The following RNF212B variants were observed in gnomAD, a reference collection of about 807,000 sequenced individuals.
The protein encoded by RNF212B is ring finger protein 212B, also known as E3 ubiquitin-protein ligase RNF212B.
Under a neutral mutation model 55.5 loss-of-function variants are expected in RNF212B, and 52 were observed. The observed-to-expected ratio is 0.94, with a 90% CI of 0.75 to 1.18. The LOEUF (loss-of-function observed/expected upper bound fraction) is 1.18. RNF212B is among the 50% of genes most tolerant of loss of function. RNF212B has a pLI of 0.00. For missense variants in RNF212B, 289 were observed against 350.4 expected (o/e 0.82, Z 1.40); for synonymous variants, 99 against 121.4 (o/e 0.82, Z 1.21).
chr14:23,226,812 CT>C (rs111452590), intron 2 of RNF212B, among the ~76,000 whole-genome samples: 20 of 128,744 alleles, frequency 1.6e-4, no homozygotes, highest in South Asian at 2.4e-4. Flanking sequence ...TCTTCTTCTT[CT>C]TTTTTTTTTT....
chr14:23,197,015 A>G (rs538184400), intron 2 of RNF212B, among the ~76,000 whole-genome samples: 2 of 152,216 alleles, frequency 1.3e-5, no homozygotes, highest in Admixed American at 6.5e-5. Context: ...TTTGCTCACT[A>G]ATGTCTTCAG....
At chr14:23,186,077 G>T (rs544073295) in intron 1 of RNF212B, among the ~76,000 whole-genome samples, 3 of 152,242 alleles carry the variant, frequency 2.0e-5, no homozygotes, top group South Asian at 2.1e-4. Context: ...TCCAGCCTGG[G>T]TGGCAAAGTG....
intron 2 of RNF212B, among the ~76,000 whole-genome samples, chr14:23,214,827 C>G (rs150902568): frequency 6.6e-6 from 1 of 151,976 alleles, no homozygotes; most frequent in Middle Eastern, 3.2e-3. Context: ...ATGGCTGAAA[C>G]CTTTCCAAAT....
At chr14:23,214,928 A>G (rs998073917) in intron 2 of RNF212B, among the ~76,000 whole-genome samples, 1 of 152,376 alleles carries the variant, frequency 6.6e-6, no homozygotes, top group East Asian at 1.9e-4. Context: ...ACATATCATA[A>G]TTAACACTAA....
At chr14:23,272,132 T>G (rs1383101692) in intron 14 of RNF212B, among the ~76,000 whole-genome samples, 1 of 152,084 alleles carries the variant, frequency 6.6e-6, no homozygotes, top group African/African-American at 2.4e-5. Flanking sequence ...TTTTTGAAAA[T>G]GTGGGCCAGG....
At position 23,208,795 on chromosome 14, in the gene RNF212B, G is replaced by A. The variant is rs1319375805; in HGVS notation, c.-2+15394G>A. Among the ~76,000 whole-genome samples, 6 of 101,894 alleles carry A rather than the reference G, an allele frequency of 5.9e-5. No individual in the cohort carries two copies. The South Asian group carries it at 2.0e-3, about 33-fold the overall frequency. The allele number at this position is 101,894 out of a possible 152,430, so 66.8% of individuals were successfully genotyped here. The stretch of plus-strand genomic sequence containing the variant: ...TTTTTTTGAGACGGAGTCTCACTCT[G>A]TCGCCCAGGCTGGAGTGCAATGGCG... On this transcript the variant is annotated intron_variant, in intron 2 of 15. Transcript: ENST00000399910.
chr14:23,269,081 G>C (rs1488366194), intron 12 of RNF212B, 118 bp downstream of exon 12: 1 of 758,982 alleles, frequency 1.3e-6, no homozygotes, highest in East Asian at 2.9e-5. Context: ...GAGGAGGGTG[G>C]ATCACTTGAG....
At chr14:23,265,373 T>A (rs992647146) in intron 11 of RNF212B, among the ~76,000 whole-genome samples, 6 of 152,298 alleles carry the variant, frequency 3.9e-5, no homozygotes, top group African/African-American at 1.4e-4. Context: ...ATAAAAATAT[T>A]CCAGTGAAGG....
intron 1 of RNF212B, among the ~76,000 whole-genome samples, chr14:23,190,149 T>G (rs1287024670): frequency 6.6e-6 from 1 of 152,060 alleles, no homozygotes; most frequent in Non-Finnish European, 1.5e-5. Flanking sequence ...CTGGATCCTT[T>G]CCTTCTCCAA....
At chr14:23,237,572 A>C (rs1325937629), upstream of RNF212B, among the ~76,000 whole-genome samples, 1 of 152,052 alleles carries the variant, frequency 6.6e-6, no homozygotes, top group Non-Finnish European at 1.5e-5. Context: ...CATTATTTTC[A>C]TTTCATTTTA....
upstream of RNF212B, among the ~76,000 whole-genome samples, chr14:23,235,176 C>T (rs145671078): frequency 0.012 from 1,833 of 151,380 alleles, 40 homozygotes; most frequent in African/African-American, 0.041. Context: ...GGTGCCACTG[C>T]GCTCCAGCCT....
intron 2 of RNF212B, among the ~76,000 whole-genome samples, chr14:23,228,902 T>C (rs1882279753): frequency 6.6e-6 from 1 of 152,076 alleles, no homozygotes; most frequent in Non-Finnish European, 1.5e-5. Context: ...TTAACCATTG[T>C]TAGTGTGCAA....
intron 2 of RNF212B, among the ~76,000 whole-genome samples, chr14:23,225,079 C>CA (rs145337832): frequency 2.2e-3 from 324 of 149,464 alleles, no homozygotes; most frequent in South Asian, 6.9e-3. Flanking sequence ...TGCCACCCCA[C>CA]ACAAAAAAAA....
Position 23,197,616 on chromosome 14 carries a change from A to G in RNF212B, c.-2+4215A>G, listed in dbSNP as rs187559096. 4.8e-3 allele frequency among the ~76,000 whole-genome samples: 727 copies of G among 152,068 alleles called. 6 individuals are homozygous for G. Among genetic ancestry groups the G allele is most frequent in the African/African-American group, 0.016 (681 of 41,558 alleles). ...TTAAAAAAACAAATATAATTAAAAAATAATAAAAAATATTGTATAATAAAG... is the reference window on the plus strand; with the variant it reads ...TTAAAAAAACAAATATAATTAAAAAGTAATAAAAAATATTGTATAATAAAG... On this transcript the variant is annotated intron_variant, in intron 2 of 15. Transcript: ENST00000399910.
chr14:23,221,483 GA>G (rs1466740222), intron 2 of RNF212B, among the ~76,000 whole-genome samples: 1 of 152,186 alleles, frequency 6.6e-6, no homozygotes, highest in Non-Finnish European at 1.5e-5. Context: ...AGAGTACCCA[GA>G]TATATAAAGC....
chr14:23,209,530 A>T (rs186672510), intron 2 of RNF212B, among the ~76,000 whole-genome samples: 47 of 152,344 alleles, frequency 3.1e-4, no homozygotes, highest in African/African-American at 1.1e-3. Flanking sequence ...CTCCATACTG[A>T]TATAAACAAA....
At chr14:23,224,407 T>C (rs887700399) in intron 2 of RNF212B, among the ~76,000 whole-genome samples, 1 of 152,042 alleles carries the variant, frequency 6.6e-6, no homozygotes. Flanking sequence ...ACCAGACACA[T>C]AGACCAATGG....
chr14:23,246,509 AAAT>A, intron 4 of RNF212B, among the ~76,000 whole-genome samples: 1 of 152,320 alleles, frequency 6.6e-6, no homozygotes, highest in Middle Eastern at 3.4e-3. Flanking sequence ...ATGTAATATG[AAAT>A]AATAATACTT....
chr14:23,208,985 C>G (rs1048969898), intron 2 of RNF212B, among the ~76,000 whole-genome samples: 1 of 151,820 alleles, frequency 6.6e-6, no homozygotes, highest in Non-Finnish European at 1.5e-5. Context: ...GTCTCGATCT[C>G]CTGACCTCGT....
Sources: allele counts gnomAD v4.1 joint callset (sites outside exome capture counted in the v4.1 genomes callset), GRCh38; gene constraint gnomAD v4.1.1; transcripts MANE v1.5; gene names NCBI Gene and HGNC (gene_info 2026-07-23, HGNC 2026-07-21).